CYP2J2: variants seen among roughly 807,000 people sequenced by gnomAD.
CYP2J2 encodes cytochrome P450 2J2.
CYP2J2 carries 41 observed loss-of-function variants against 48.8 expected under a neutral mutation model. The observed-to-expected ratio is 0.84, with a 90% CI of 0.66 to 1.09. The LOEUF is 1.09. Among genes scored for constraint, CYP2J2 ranks in the 50% least tolerant of loss-of-function variants. The probability of loss-of-function intolerance (pLI) is 0.00; values close to 1 mark genes in which losing one functional copy is unlikely to be tolerated. For missense variants in CYP2J2, 644 were observed against 617.3 expected (o/e 1.04, Z -0.46); for synonymous variants, 221 against 227.1 (o/e 0.97, Z 0.24).
At chr1:59,956,823 G>T in the CYP2J2 span, among the ~76,000 whole-genome samples, 2 of 152,154 alleles carry the variant, frequency 1.3e-5, no homozygotes, top group Non-Finnish European at 2.9e-5. Flanking sequence ...CTGCTAACTG[G>T]TGGAACAATA....
intron 8 of CYP2J2, among the ~76,000 whole-genome samples, chr1:59,897,238 T>A (rs1644277256): frequency 1.3e-5 from 2 of 152,208 alleles, no homozygotes; most frequent in African/African-American, 4.8e-5. Context: ...ATACCCAAGA[T>A]TATCCTAAAA....
chr1:59,902,429 CT>C (rs79262501), intron 7 of CYP2J2, among the ~76,000 whole-genome samples: 26 of 149,588 alleles, frequency 1.7e-4, no homozygotes, highest in South Asian at 4.2e-4. Context: ...TTAGTAATAA[CT>C]TTTTTTTTTA....
chr1:59,918,930 G>A (rs1173623015), intron 1 of CYP2J2, among the ~76,000 whole-genome samples: 1 of 152,154 alleles, frequency 6.6e-6, no homozygotes, highest in Non-Finnish European at 1.5e-5. Context: ...AAGGATTAGT[G>A]GGAGAAGAGA....
rs373681729 is a variant in CYP2J2, at chr1:59,915,955, T to C, written c.356A>G (p.His119Arg). 4.3e-6 allele frequency: 7 copies of C among 1,612,586 alleles called. No homozygotes were observed. The African/African-American group carries it at 8.0e-5, about 18-fold the overall frequency. Reference protein sequence around the residue: ...GNRPVTPMREHIFKKNGLIMS... With the variant: ...GNRPVTPMRERIFKKNGLIMS... ...AAACTTACCATTTTTCTTAAAGATATGTTCTCGCATAGGGGTCACGGGGCG... is the reference window on the plus strand; with the variant it reads ...AAACTTACCATTTTTCTTAAAGATACGTTCTCGCATAGGGGTCACGGGGCG... The change falls in exon 2 of 9, where the codon CAT (histidine) becomes CGT (arginine). Residue 119 changes from histidine (H) to arginine (R), a missense_variant. Coordinates refer to ENST00000371204, the MANE Select transcript of CYP2J2 (RefSeq NM_000775.4).
At chr1:59,913,565 G>C (rs940380325) in intron 2 of CYP2J2, among the ~76,000 whole-genome samples, 3 of 152,004 alleles carry the variant, frequency 2.0e-5, no homozygotes, top group Non-Finnish European at 4.4e-5. Flanking sequence ...CTACCCATTT[G>C]AGTGTCACCT....
the CYP2J2 span, among the ~76,000 whole-genome samples, chr1:59,954,947 G>A: frequency 1.5e-3 from 233 of 151,696 alleles, no homozygotes; most frequent in East Asian, 8.4e-3. Flanking sequence ...TACCAGCCTG[G>A]GCAACATGGC....
At chr1:59,898,815 G>A (rs1644292117) in intron 8 of CYP2J2, among the ~76,000 whole-genome samples, 2 of 152,088 alleles carry the variant, frequency 1.3e-5, no homozygotes, top group African/African-American at 2.4e-5. Flanking sequence ...TTAATAACTG[G>A]GCTGTTGTAA....
the CYP2J2 span, among the ~76,000 whole-genome samples, chr1:59,937,361 C>T: frequency 6.6e-6 from 1 of 151,920 alleles, no homozygotes; most frequent in East Asian, 1.9e-4. Context: ...GCAAGGTAGA[C>T]TGGCAAATGT....
At chr1:59,894,721 T>G (rs1350686453) in intron 8 of CYP2J2, among the ~76,000 whole-genome samples, 1 of 152,216 alleles carries the variant, frequency 6.6e-6, no homozygotes, top group Non-Finnish European at 1.5e-5. Flanking sequence ...ATTTAATAAT[T>G]TATACCTCAA....
the CYP2J2 span, among the ~76,000 whole-genome samples, chr1:59,957,724 A>G: frequency 6.6e-6 from 1 of 151,728 alleles, no homozygotes; most frequent in Admixed American, 6.6e-5. Flanking sequence ...CACCACACAC[A>G]CATGAACATT....
At chr1:59,943,130 T>C in the CYP2J2 span, among the ~76,000 whole-genome samples, 2 of 152,188 alleles carry the variant, frequency 1.3e-5, no homozygotes, top group Non-Finnish European at 2.9e-5. Flanking sequence ...AGTGGACGTG[T>C]CAAGTAGAAA....
chr1:59,937,517 CAGTT>C, the CYP2J2 span, among the ~76,000 whole-genome samples: 3 of 152,082 alleles, frequency 2.0e-5, no homozygotes, highest in African/African-American at 4.8e-5. Flanking sequence ...AACTTAAACA[CAGTT>C]AGGAATCTTC....
chr1:59,911,297 G>C (rs1479539039), intron 4 of CYP2J2, among the ~76,000 whole-genome samples: 3 of 152,184 alleles, frequency 2.0e-5, no homozygotes, highest in Non-Finnish European at 4.4e-5. Context: ...AGGACACAGA[G>C]AGGAGAGACT....
chr1:59,905,842 C>G (rs1644360288), intron 6 of CYP2J2, among the ~76,000 whole-genome samples: 1 of 152,138 alleles, frequency 6.6e-6, no homozygotes, highest in African/African-American at 2.4e-5. Flanking sequence ...CTGTAGCAGC[C>G]TTATCTCTTT....
intron 6 of CYP2J2, among the ~76,000 whole-genome samples, chr1:59,907,358 T>C (rs1644373561): frequency 6.6e-6 from 1 of 152,078 alleles, no homozygotes; most frequent in African/African-American, 2.4e-5. Context: ...GGAGGGTAGG[T>C]GCGGCCAAGG....
chr1:59,936,655 G>C, the CYP2J2 span, among the ~76,000 whole-genome samples: 1 of 152,050 alleles, frequency 6.6e-6, no homozygotes. Flanking sequence ...CTTGCTCTAT[G>C]TTGATTATTT....
At chr1:59,968,409 A>G in the CYP2J2 span, among the ~76,000 whole-genome samples, 1 of 151,596 alleles carries the variant, frequency 6.6e-6, no homozygotes, top group Non-Finnish European at 1.5e-5. Flanking sequence ...ATCTTCCCAC[A>G]CACCTAAGTA....
rs144396885 is a variant in CYP2J2 at position 59,896,974 on chromosome 1, G to A, written c.1331-3145C>T. On this transcript the variant is annotated intron_variant, in intron 8 of 8. Transcript: ENST00000371204. Reference sequence around the variant, plus strand: ...TATTTTCCCATGTAATTTAATATTCGTGGAAATGTATGCATGCCTAAGTTT... The same window carrying A: ...TATTTTCCCATGTAATTTAATATTCATGGAAATGTATGCATGCCTAAGTTT... Among the ~76,000 whole-genome samples the A allele has an allele frequency of 2.7e-4, 41 of 152,134 alleles. No homozygotes were observed. The East Asian group carries it at 5.2e-3, about 19-fold the overall frequency.
Position 59,916,005 on chromosome 1 carries a change from G to T in CYP2J2, c.306C>A (p.Ile102=). ...TGLPLIKEAL[I]HMDQNFGNRP... ...GGTTCCCAAAGTTTTGGTCCATGTG[G>T]ATAAGGGCTTCTTTGATTAAGGGCA... The change falls in exon 2 of 9, where the codon ATC becomes ATA. Residue 102 remains isoleucine (I), a synonymous_variant. Coordinates refer to ENST00000371204, the MANE Select transcript of CYP2J2 (RefSeq NM_000775.4). 3 of 1,614,032 alleles carry T rather than the reference G, an allele frequency of 1.9e-6. No homozygotes were observed.
Sources: allele counts gnomAD v4.1 joint callset (sites outside exome capture counted in the v4.1 genomes callset), GRCh38; gene constraint gnomAD v4.1.1; transcripts MANE v1.5; gene names NCBI Gene and HGNC (gene_info 2026-07-23, HGNC 2026-07-21).